Variants in MB21D2 observed in about 807,000 individuals in gnomAD.
The protein encoded by MB21D2 is Mab-21 domain containing 2.
MB21D2 carries 9 observed loss-of-function variants against 33.3 expected under a neutral mutation model. The observed-to-expected ratio is 0.27, with a 90% CI of 0.16 to 0.47. The LOEUF (loss-of-function observed/expected upper bound fraction) is 0.47. Among genes scored for constraint, MB21D2 ranks in the 20% least tolerant of loss-of-function variants. MB21D2 has a pLI of 0.99. For missense variants in MB21D2, 540 were observed against 624.6 expected (o/e 0.86, Z 1.44); for synonymous variants, 241 against 236.3 (o/e 1.02, Z -0.18).
chr3:192,845,737 A>G (rs2108627251), intron 1 of MB21D2, among the ~76,000 whole-genome samples: 1 of 152,330 alleles, frequency 6.6e-6, no homozygotes, highest in Middle Eastern at 3.4e-3. Context: ...AGTGGTACAC[A>G]GGAGTCCACA....
chr3:192,915,302 G>A (rs947031501), intron 1 of MB21D2, among the ~76,000 whole-genome samples: 7 of 151,982 alleles, frequency 4.6e-5, no homozygotes, highest in Admixed American at 2.0e-4. Flanking sequence ...GTGAAACAAA[G>A]TGTATAAAAA....
chr3:192,895,567 CTGTT>C (rs1234678524), intron 1 of MB21D2, among the ~76,000 whole-genome samples: 1 of 152,202 alleles, frequency 6.6e-6, no homozygotes, highest in Non-Finnish European at 1.5e-5. Flanking sequence ...AATAAGCACA[CTGTT>C]TGGCCAATTA....
At chr3:192,818,704 T>C (rs775897957) in intron 1 of MB21D2, among the ~76,000 whole-genome samples, 4 of 152,224 alleles carry the variant, frequency 2.6e-5, no homozygotes, top group Non-Finnish European at 5.9e-5. Flanking sequence ...GTTAATGTCC[T>C]GGTTACAAAG....
At chr3:192,814,676 C>T (rs1043703826) in intron 1 of MB21D2, among the ~76,000 whole-genome samples, 1 of 151,632 alleles carries the variant, frequency 6.6e-6, no homozygotes, top group Non-Finnish European at 1.5e-5. Context: ...TCCTGGCTAA[C>T]ACGGTGAAAC....
chr3:192,837,023 T>C (rs568500488), intron 1 of MB21D2, among the ~76,000 whole-genome samples: 1 of 152,132 alleles, frequency 6.6e-6, no homozygotes, highest in South Asian at 2.1e-4. Context: ...TCAAAGACCA[T>C]ACCCAGGGTA....
At chr3:192,883,140 C>T (rs574710998) in intron 1 of MB21D2, among the ~76,000 whole-genome samples, 25 of 152,166 alleles carry the variant, frequency 1.6e-4, no homozygotes, top group South Asian at 6.2e-4. Context: ...AGTGCTGGGA[C>T]GACAGGTGTA....
At chr3:192,911,967 T>A (rs923345349) in intron 1 of MB21D2, among the ~76,000 whole-genome samples, 14 of 152,172 alleles carry the variant, frequency 9.2e-5, no homozygotes, top group Non-Finnish European at 1.9e-4. Flanking sequence ...GCACCATAAA[T>A]TTCCATGGTA....
intron 1 of MB21D2, among the ~76,000 whole-genome samples, chr3:192,895,390 T>C (rs902094989): frequency 6.6e-6 from 1 of 152,214 alleles, no homozygotes; most frequent in Non-Finnish European, 1.5e-5. Context: ...AAATTACTAA[T>C]ATAAGCATCC....
intron 1 of MB21D2, among the ~76,000 whole-genome samples, chr3:192,801,235 C>T (rs1711557888): frequency 6.6e-6 from 1 of 151,980 alleles, no homozygotes; most frequent in Non-Finnish European, 1.5e-5. Context: ...TACATTTTCC[C>T]TCCTTCATTA....
chr3:192,876,567 TC>T (rs907457793), intron 1 of MB21D2, among the ~76,000 whole-genome samples: 2 of 152,128 alleles, frequency 1.3e-5, no homozygotes, highest in African/African-American at 4.8e-5. Flanking sequence ...GCATTTCACT[TC>T]CCCACTTAAA....
intron 1 of MB21D2, among the ~76,000 whole-genome samples, chr3:192,901,714 G>T (rs1714107825): frequency 6.6e-6 from 1 of 152,170 alleles, no homozygotes; most frequent in Non-Finnish European, 1.5e-5. Flanking sequence ...CACTAAAGAG[G>T]CCAATCCCTT....
intron 1 of MB21D2, among the ~76,000 whole-genome samples, chr3:192,828,635 T>TCC (rs1712241134): frequency 8.2e-5 from 3 of 36,548 alleles, no homozygotes; most frequent in South Asian, 9.0e-4. Context: ...TATATATATA[T>TCC]ATATATATAT....
intron 1 of MB21D2, among the ~76,000 whole-genome samples, chr3:192,861,642 A>G (rs1335865695): frequency 6.6e-6 from 1 of 152,148 alleles, no homozygotes; most frequent in African/African-American, 2.4e-5. Flanking sequence ...CCCTGTCTCT[A>G]CTAAATACGA....
At chr3:192,897,164 G>A (rs531581477) in intron 1 of MB21D2, among the ~76,000 whole-genome samples, 1 of 152,252 alleles carries the variant, frequency 6.6e-6, no homozygotes, top group African/African-American at 2.4e-5. Context: ...TTAGAATGTG[G>A]TAACAGGTGA....
At chr3:192,811,196 C>A (rs949700527) in intron 1 of MB21D2, among the ~76,000 whole-genome samples, 2 of 152,232 alleles carry the variant, frequency 1.3e-5, no homozygotes, top group African/African-American at 4.8e-5. Context: ...ACATTGGGTT[C>A]TATACAACCT....
At chr3:192,844,745 C>G (rs962880643) in intron 1 of MB21D2, among the ~76,000 whole-genome samples, 4 of 152,216 alleles carry the variant, frequency 2.6e-5, no homozygotes, top group African/African-American at 9.6e-5. Flanking sequence ...AACCTGACCC[C>G]TTCTTCACAT....
chr3:192,902,747 G>T (rs567400952), intron 1 of MB21D2, among the ~76,000 whole-genome samples: 8 of 152,124 alleles, frequency 5.3e-5, no homozygotes, highest in Non-Finnish European at 8.8e-5. Flanking sequence ...GGGAGTGAAC[G>T]TTATGCTGGT....
intron 1 of MB21D2, among the ~76,000 whole-genome samples, chr3:192,825,943 G>A (rs958451749): frequency 1.3e-5 from 2 of 152,196 alleles, no homozygotes; most frequent in Non-Finnish European, 2.9e-5. Context: ...TGCTTTATGG[G>A]TTGTGAAATG....
intron 1 of MB21D2, among the ~76,000 whole-genome samples, chr3:192,861,649 A>G (rs1167439579): frequency 6.6e-6 from 1 of 151,994 alleles, no homozygotes; most frequent in Non-Finnish European, 1.5e-5. Flanking sequence ...TCTACTAAAT[A>G]CGAAATTAGC....
Sources: allele counts gnomAD v4.1 joint callset (sites outside exome capture counted in the v4.1 genomes callset), GRCh38; gene constraint gnomAD v4.1.1; transcripts MANE v1.5; gene names NCBI Gene and HGNC (gene_info 2026-07-23, HGNC 2026-07-21).